Variants in LRRFIP2 observed in about 807,000 individuals in gnomAD.
LRRFIP2 encodes LRR binding FLII interacting protein 2.
LRRFIP2 carries 109 observed loss-of-function variants against 125.9 expected under a neutral mutation model. The ratio of observed to expected loss-of-function variants is 0.87; its 90% CI spans 0.74 to 1.01. The LOEUF is 1.01. LRRFIP2 is among the 50% of genes least tolerant of loss of function. The probability of loss-of-function intolerance (pLI) is 0.00; values close to 1 mark genes in which losing one functional copy is unlikely to be tolerated. For synonymous variants in LRRFIP2, 291 were observed against 293.1 expected (o/e 0.99, Z 0.07); for missense variants, 850 against 862.3 (o/e 0.99, Z 0.18).
chr3:37,058,942 T>C, intron 24 of LRRFIP2, 32 bp from the exon 25 acceptor site: 1 of 1,611,960 alleles, frequency 6.2e-7, no homozygotes, highest in Non-Finnish European at 8.5e-7. Context: ...ATCAGCAAGA[T>C]CCAATCTCTC....
intron 15 of LRRFIP2, among the ~76,000 whole-genome samples, chr3:37,102,657 C>G (rs985768898): frequency 6.6e-6 from 1 of 151,774 alleles, no homozygotes; most frequent in Non-Finnish European, 1.5e-5. Flanking sequence ...CGCCCCCACA[C>G]CCAGCTAATT....
At chr3:37,122,944 A>G (rs2095115888) in intron 4 of LRRFIP2, among the ~76,000 whole-genome samples, 2 of 152,228 alleles carry the variant, frequency 1.3e-5, no homozygotes, top group African/African-American at 2.4e-5. Context: ...AAAGTGTTAA[A>G]GTAATGTGTG....
intron 1 of LRRFIP2, among the ~76,000 whole-genome samples, chr3:37,154,136 A>G (rs1023729778): frequency 6.6e-6 from 1 of 152,086 alleles, no homozygotes; most frequent in Non-Finnish European, 1.5e-5. Flanking sequence ...TGATAATACC[A>G]CTGCACTCCA....
intron 26 of LRRFIP2, 101 bp from the exon 27 acceptor site, chr3:37,054,616 TCTA>T (rs2086273167): frequency 4.2e-6 from 3 of 713,562 alleles, no homozygotes; most frequent in Admixed American, 5.1e-5. Context: ...TGCCAAGTAA[TCTA>T]CTAACAAGTC....
chr3:37,169,464 A>G (rs919650458), intron 1 of LRRFIP2, among the ~76,000 whole-genome samples: 2 of 152,178 alleles, frequency 1.3e-5, no homozygotes, highest in African/African-American at 4.8e-5. Context: ...TTAGTCCTAT[A>G]ATCCTTAGGT....
At chr3:37,074,907 C>A in intron 20 of LRRFIP2, 117 bp downstream of exon 20, 1 of 674,302 alleles carries the variant, frequency 1.5e-6, no homozygotes, top group Non-Finnish European at 2.6e-6. Flanking sequence ...AGTGTACAGT[C>A]AAATATAAAG....
chr3:37,148,989 G>A lies in LRRFIP2; in HGVS notation c.-6C>T, dbSNP rs2095935153. The A allele has an allele frequency of 6.2e-7, 1 of 1,613,570 alleles. No individual in the cohort carries two copies. Among genetic ancestry groups the A allele is most frequent in the East Asian group, 2.2e-5 (1 of 44,834 alleles). On this transcript the variant is annotated 5_prime_UTR_variant, in exon 2 of 28. Transcript: ENST00000336686. ...CCAGAAGCAGGAGTCCCCATCTTGT[G>A]TTCTTAATAGTCTTTTAACTTTGAA...
At chr3:37,134,732 A>C in intron 2 of LRRFIP2, 1 of 781,500 alleles carries the variant, frequency 1.3e-6, no homozygotes, top group Non-Finnish European at 2.3e-6. Context: ...CTGCAGGTCC[A>C]GTTGAGGATG....
At position 37,162,078 on chromosome 3, in the gene LRRFIP2, C is replaced by A. The variant is rs185719628; in HGVS notation, c.-56+12461G>T. Among the ~76,000 whole-genome samples, 8 of 147,394 alleles carry A rather than the reference C, an allele frequency of 5.4e-5. No homozygotes were observed. In the East Asian group the frequency reaches 1.6e-3, roughly 30 times the overall value. ...GACTGAGGCAGGAGCATCGCTTGAG[C>A]CCAGGAGGTCGAGGTTGTAGTGAGT... On this transcript the variant is annotated intron_variant, in intron 1 of 27. Transcript: ENST00000336686.
At chr3:37,162,906 G>A (rs1057487555) in intron 1 of LRRFIP2, among the ~76,000 whole-genome samples, 1 of 152,134 alleles carries the variant, frequency 6.6e-6, no homozygotes, top group Admixed American at 6.5e-5. Context: ...AGCCTAGATG[G>A]GCTGAAGACT....
rs1175841807 is a variant in LRRFIP2, at chr3:37,094,864, T to A, written c.963A>T (p.Gly321=). The change falls in exon 17 of 28, where the codon GGA becomes GGT. Residue 321 remains glycine (G), a synonymous_variant. Coordinates refer to ENST00000336686, the MANE Select transcript of LRRFIP2 (RefSeq NM_006309.4). The part of the protein sequence containing the change: ...NSASATTPLS[G]NSSRRGSGDT... ...CCCCACTTCCTCGTCTGGATGAGTT[T>A]CCACTTAGAGGGGTTGTTGCTGAGG... 5.6e-6 allele frequency: 9 copies of A among 1,613,874 alleles called. No homozygotes were observed. Among genetic ancestry groups the A allele is most frequent in the Admixed American group, 1.7e-5 (1 of 59,996 alleles).
intron 2 of LRRFIP2, among the ~76,000 whole-genome samples, chr3:37,130,569 A>G (rs184205407): frequency 1.3e-5 from 2 of 152,344 alleles, no homozygotes; most frequent in African/African-American, 4.8e-5. Flanking sequence ...GTACAAAAAT[A>G]TTAAGTGGAA....
At position 37,113,939 on chromosome 3, in the gene LRRFIP2, G is replaced by A. The variant is rs894897348; in HGVS notation, c.373-959C>T. Among the ~76,000 whole-genome samples, 4 of 152,102 alleles carry A rather than the reference G, an allele frequency of 2.6e-5. No individual in the cohort carries two copies. In the South Asian group the frequency reaches 8.3e-4, roughly 31 times the overall value. ...TAAGGCTAGCAATACTACTAAATAG[G>A]TAAATTGGTAGATAAGAAATCTAAT... On this transcript the variant is annotated intron_variant, in intron 7 of 27. Coordinates refer to ENST00000336686, the MANE Select transcript of LRRFIP2 (RefSeq NM_006309.4).
At chr3:37,156,658 A>AG (rs1195621015) in intron 1 of LRRFIP2, among the ~76,000 whole-genome samples, 2 of 122,676 alleles carry the variant, frequency 1.6e-5, no homozygotes, top group African/African-American at 6.1e-5. Context: ...TGGGCGACAG[A>AG]GCGAGACTCA....
chr3:37,115,380 AC>A (rs1392029166), intron 6 of LRRFIP2, among the ~76,000 whole-genome samples: 6 of 152,354 alleles, frequency 3.9e-5, no homozygotes, highest in Admixed American at 6.5e-5. Flanking sequence ...ATCTCAGTAC[AC>A]TATAGCACAA....
At chr3:37,123,881 C>T (rs956676160) in intron 4 of LRRFIP2, among the ~76,000 whole-genome samples, 2 of 152,056 alleles carry the variant, frequency 1.3e-5, no homozygotes, top group African/African-American at 4.8e-5. Context: ...AATTATGCCC[C>T]TTATATTAAT....
intron 15 of LRRFIP2, among the ~76,000 whole-genome samples, chr3:37,098,279 GT>G (rs546182339): frequency 2.2e-4 from 31 of 143,654 alleles, no homozygotes; most frequent in South Asian, 6.6e-4. Context: ...CGATTGAAAT[GT>G]TTTTTTTTTT....
intron 25 of LRRFIP2, among the ~76,000 whole-genome samples, chr3:37,057,670 A>G (rs1235279596): frequency 1.3e-5 from 2 of 152,122 alleles, no homozygotes; most frequent in Non-Finnish European, 2.9e-5. Context: ...CCTGGCCCCA[A>G]CATGTCTTTT....
intron 4 of LRRFIP2, among the ~76,000 whole-genome samples, chr3:37,125,788 G>A (rs2095249724): frequency 6.6e-6 from 1 of 152,090 alleles, no homozygotes; most frequent in African/African-American, 2.4e-5. Context: ...CAATCCTATT[G>A]TGGATTGTGT....
Sources: allele counts gnomAD v4.1 joint callset (sites outside exome capture counted in the v4.1 genomes callset), GRCh38; gene constraint gnomAD v4.1.1; transcripts MANE v1.5; gene names NCBI Gene and HGNC (gene_info 2026-07-23, HGNC 2026-07-21).